Variants in PALM2AKAP2 observed in about 807,000 individuals in gnomAD.
PALM2AKAP2 encodes PALM2-AKAP2 fusion protein.
Under a neutral mutation model 71.5 loss-of-function variants are expected in PALM2AKAP2, and 37 were observed. That is an observed-to-expected ratio of 0.52 (90% CI 0.40 to 0.68). The LOEUF is 0.68. PALM2AKAP2 is among the 30% of genes least tolerant of loss of function. The probability of loss-of-function intolerance (pLI) is 0.00; values close to 1 mark genes in which losing one functional copy is unlikely to be tolerated. For missense variants in PALM2AKAP2, 1,224 were observed against 1,191.8 expected (o/e 1.03, Z -0.40); for synonymous variants, 468 against 478.8 (o/e 0.98, Z 0.29).
intron 1 of PALM2AKAP2, among the ~76,000 whole-genome samples, chr9:109,701,194 A>G (rs1419029922): frequency 6.6e-6 from 1 of 152,254 alleles, no homozygotes; most frequent in Non-Finnish European, 1.5e-5. Flanking sequence ...ATTCAATGCC[A>G]TCCCCATCAA....
intron 6 of PALM2AKAP2, among the ~76,000 whole-genome samples, chr9:109,995,380 A>C (rs758621451): frequency 1.2e-4 from 18 of 152,206 alleles, no homozygotes; most frequent in Non-Finnish European, 2.1e-4. Flanking sequence ...CAGCCCAAGC[A>C]CCATGCCTGC....
intron 1 of PALM2AKAP2, among the ~76,000 whole-genome samples, chr9:110,099,400 C>G (rs1160482396): frequency 6.6e-6 from 1 of 152,180 alleles, no homozygotes; most frequent in African/African-American, 2.4e-5. Flanking sequence ...AGTGAAATTG[C>G]TATCAGGAAA....
chr9:109,714,756 C>T (rs187436119), intron 1 of PALM2AKAP2, among the ~76,000 whole-genome samples: 172 of 152,324 alleles, frequency 1.1e-3, no homozygotes, highest in African/African-American at 3.9e-3. Flanking sequence ...AGGTGAGCCC[C>T]TCTCTAGGAA....
At chr9:109,799,086 A>G (rs1421510602) in intron 1 of PALM2AKAP2, among the ~76,000 whole-genome samples, 2 of 152,226 alleles carry the variant, frequency 1.3e-5, no homozygotes, top group Admixed American at 1.3e-4. Flanking sequence ...GAGGGCAAAA[A>G]GCAGCCTAGG....
chr9:109,743,020 C>T (rs1442446706), intron 1 of PALM2AKAP2, among the ~76,000 whole-genome samples: 1 of 152,076 alleles, frequency 6.6e-6, no homozygotes, highest in East Asian at 1.9e-4. Context: ...TTTACAGAGC[C>T]CCTTGGTCTA....
At chr9:109,891,417 A>G (rs1326888534) in intron 3 of PALM2AKAP2, among the ~76,000 whole-genome samples, 3 of 152,152 alleles carry the variant, frequency 2.0e-5, no homozygotes, top group Non-Finnish European at 4.4e-5. Context: ...ATGTCAGGTA[A>G]GGTCTGAGGA....
rs552363165 is a variant in PALM2AKAP2 at position 109,827,565 on chromosome 9, C to T, written c.46-39926C>T. Among the ~76,000 whole-genome samples the T allele has an allele frequency of 1.0e-3, 153 of 152,196 alleles. 2 individuals are homozygous for T. The highest frequency in any genetic ancestry group is 1.6e-3 in the Non-Finnish European group (109 of 67,996). On this transcript the variant is annotated intron_variant, in intron 1 of 9. Coordinates refer to the PALM2AKAP2 transcript ENST00000302798. Reference sequence around the variant, plus strand: ...CAGAGGTTGCAGTGAGCCGGGATCGCACCACTGCACTCCAGCCTGGGCGAC... The same window carrying T: ...CAGAGGTTGCAGTGAGCCGGGATCGTACCACTGCACTCCAGCCTGGGCGAC...
chr9:109,849,585 T>TA (rs1363896464), intron 1 of PALM2AKAP2, among the ~76,000 whole-genome samples: 4 of 151,610 alleles, frequency 2.6e-5, no homozygotes, highest in Non-Finnish European at 4.4e-5. Flanking sequence ...CCGTCTCTAC[T>TA]AAAAAAAAGA....
chr9:109,968,377 G>T (rs1588037367), intron 6 of PALM2AKAP2, among the ~76,000 whole-genome samples: 1 of 152,148 alleles, frequency 6.6e-6, no homozygotes, highest in Non-Finnish European at 1.5e-5. Flanking sequence ...GAGCTATTTT[G>T]ATTATAATGA....
chr9:109,660,447 T>C (rs1827375141), intron 1 of PALM2AKAP2, among the ~76,000 whole-genome samples: 1 of 152,102 alleles, frequency 6.6e-6, no homozygotes, highest in African/African-American at 2.4e-5. Flanking sequence ...ACATGCTGTG[T>C]TTGGTTTTCT....
chr9:110,021,823 A>G (rs1411760094), intron 7 of PALM2AKAP2, among the ~76,000 whole-genome samples: 2 of 152,202 alleles, frequency 1.3e-5, no homozygotes, highest in Non-Finnish European at 2.9e-5. Context: ...GTAGAAAACA[A>G]CAATAACACA....
intron 1 of PALM2AKAP2, among the ~76,000 whole-genome samples, chr9:109,764,632 C>T (rs1829119336): frequency 6.6e-6 from 1 of 152,124 alleles, no homozygotes. Flanking sequence ...TCTGTTGCCC[C>T]TTGAGAGTTG....
chr9:110,148,311 A>T (rs1182907311), intron 2 of PALM2AKAP2, among the ~76,000 whole-genome samples: 1 of 152,190 alleles, frequency 6.6e-6, no homozygotes, highest in African/African-American at 2.4e-5. Context: ...CAACTCATCC[A>T]ACAACTTGAC....
At chr9:109,824,789 G>A (rs1472333382) in intron 1 of PALM2AKAP2, among the ~76,000 whole-genome samples, 1 of 152,242 alleles carries the variant, frequency 6.6e-6, no homozygotes, top group Non-Finnish European at 1.5e-5. Context: ...AGATTTAACA[G>A]CTGTGTCTGC....
chr9:110,133,388 G>A (rs1310217079), intron 1 of PALM2AKAP2, among the ~76,000 whole-genome samples: 2 of 152,104 alleles, frequency 1.3e-5, no homozygotes, highest in Non-Finnish European at 2.9e-5. Flanking sequence ...TGGAAGTACA[G>A]AGAACTCATT....
chr9:109,841,315 A>G (rs1049349623), intron 1 of PALM2AKAP2, among the ~76,000 whole-genome samples: 9 of 142,126 alleles, frequency 6.3e-5, no homozygotes, highest in Admixed American at 7.1e-5. Context: ...GAATTGAACA[A>G]TGAGAACACT....
chr9:110,032,543 T>A (rs1168383226), intron 7 of PALM2AKAP2, among the ~76,000 whole-genome samples: 1 of 151,594 alleles, frequency 6.6e-6, no homozygotes, highest in East Asian at 1.9e-4. Context: ...ATACAAAAAT[T>A]AGCTGGGCAT....
intron 6 of PALM2AKAP2, among the ~76,000 whole-genome samples, chr9:109,936,875 A>G (rs1831231587): frequency 6.6e-6 from 1 of 152,242 alleles, no homozygotes; most frequent in Non-Finnish European, 1.5e-5. Flanking sequence ...GTGGGCTCTC[A>G]GCCTGTTCCT....
intron 2 of PALM2AKAP2, among the ~76,000 whole-genome samples, chr9:110,141,110 ATGCTTTCTCC>A (rs1836017032): frequency 6.6e-6 from 1 of 152,076 alleles, no homozygotes; most frequent in Admixed American, 6.5e-5. Flanking sequence ...AGACATTTCA[ATGCTTTCTCC>A]TGATTCCCCC....
Sources: allele counts gnomAD v4.1 joint callset (sites outside exome capture counted in the v4.1 genomes callset), GRCh38; gene constraint gnomAD v4.1.1; transcripts MANE v1.5; gene names NCBI Gene and HGNC (gene_info 2026-07-23, HGNC 2026-07-21).